Variants in ARMC3 observed in about 807,000 individuals in gnomAD.
ARMC3 encodes armadillo repeat containing 3, also known as armadillo repeat-containing protein 3.
Under a neutral mutation model 90.3 loss-of-function variants are expected in ARMC3, and 74 were observed. That is an observed-to-expected ratio of 0.82 (90% confidence interval 0.68 to 0.99). The LOEUF (loss-of-function observed/expected upper bound fraction) is 0.99, where lower values mean the gene tolerates loss of function less well. Ranked by LOEUF, ARMC3 falls within the 50% of genes least tolerant of loss-of-function variation. The pLI is 0.00. For missense variants in ARMC3, 958 were observed against 1,042.8 expected (o/e 0.92, Z 1.12); for synonymous variants, 334 against 361.8 (o/e 0.92, Z 0.87).
intron 12 of ARMC3, 123 bp downstream of exon 12, chr10:23,002,178 G>C (rs79178216): frequency 1.4e-6 from 2 of 1,384,752 alleles, no homozygotes; most frequent in African/African-American, 2.9e-5. Flanking sequence ...CTGAAGCGCT[G>C]CATGTCCCCA....
rs183013571 is a variant in ARMC3 at position 23,027,783 on chromosome 10, T to C, written c.2046-2813T>C. Among the ~76,000 whole-genome samples, 45 of 152,308 alleles carry C rather than the reference T, an allele frequency of 3.0e-4. No homozygotes were observed. In the East Asian group the frequency reaches 8.7e-3, roughly 29 times the overall value. On this transcript the variant is annotated intron_variant, in intron 16 of 18. Coordinates refer to ENST00000298032, the MANE Select transcript of ARMC3 (RefSeq NM_173081.5). ...TTCTCTGTCTGGGACTTTGATGACA[T>C]CAATCTTAGACCTTTTTAATTGTAC...
At chr10:22,955,056 A>T (rs915197616) in intron 3 of ARMC3, 5 of 152,162 alleles carry the variant, frequency 3.3e-5, no homozygotes, top group Non-Finnish European at 7.3e-5. Context: ...CCAGCTCAAA[A>T]AGAGAGAGGA....
intron 2 of ARMC3, among the ~76,000 whole-genome samples, chr10:22,932,595 C>A (rs1013726092): frequency 6.6e-6 from 1 of 152,200 alleles, no homozygotes; most frequent in African/African-American, 2.4e-5. Context: ...TATCTTCTCT[C>A]TTTAAACTTT....
intron 7 of ARMC3, among the ~76,000 whole-genome samples, chr10:22,963,213 G>A (rs1368829263): frequency 2.0e-5 from 3 of 151,746 alleles, no homozygotes; most frequent in Non-Finnish European, 4.4e-5. Flanking sequence ...GGAATGTGAT[G>A]GTATTTTTAT....
At chr10:23,014,590 T>C in intron 16 of ARMC3, 1 of 712,132 alleles carries the variant, frequency 1.4e-6, no homozygotes, top group Non-Finnish European at 1.7e-6. Context: ...GAAAATGTGG[T>C]ACATATACAC....
chr10:22,951,038 C>A (rs960136278), intron 3 of ARMC3, among the ~76,000 whole-genome samples: 3 of 151,564 alleles, frequency 2.0e-5, no homozygotes, highest in Non-Finnish European at 4.4e-5. Flanking sequence ...CCCGGCTTCA[C>A]GCCATTCTCC....
rs117809512 is a variant in ARMC3, at chr10:22,950,435, A to T, written c.166+4174A>T. Among the ~76,000 whole-genome samples, 1,080 of 152,264 alleles carry T rather than the reference A, an allele frequency of 7.1e-3. 6 individuals are homozygous for T. The highest frequency in any genetic ancestry group is 0.013 in the Non-Finnish European group (855 of 68,010). On this transcript the variant is annotated intron_variant, in intron 3 of 18. Transcript: ENST00000298032. The stretch of plus-strand genomic sequence containing the variant: ...CAAAGTAGACTGTGTTAAGTTAAAG[A>T]TGTATACTGCAACCCTAATGCAACC...
chr10:22,949,911 T>C (rs1834677417), intron 3 of ARMC3, among the ~76,000 whole-genome samples: 1 of 152,072 alleles, frequency 6.6e-6, no homozygotes, highest in Non-Finnish European at 1.5e-5. Flanking sequence ...TGACAGTAGA[T>C]AATAACAAAT....
Position 23,030,656 on chromosome 10 carries a change from A to G in ARMC3, c.2106A>G (p.Val702=). 5 of 1,613,830 alleles carry G rather than the reference A, an allele frequency of 3.1e-6. No homozygotes were observed. Among genetic ancestry groups the G allele is most frequent in the East Asian group, 2.2e-5 (1 of 44,844 alleles). ...KVKEEEEVMV[V]PKFVGEGSSD... is the part of the protein sequence containing the mutation. ...AAGAGGAGGAAGAGGTTATGGTGGT[A>G]CCAAAATTTGTTGGTGAAGGAAGCT... is the stretch of plus-strand genomic sequence containing the variant. The change falls in exon 17 of 19, where the codon GTA becomes GTG. Residue 702 remains valine, a synonymous_variant. Coordinates refer to ENST00000298032, the MANE Select transcript of ARMC3 (RefSeq NM_173081.5).
At chr10:23,009,781 G>A (rs1390503665) in intron 16 of ARMC3, among the ~76,000 whole-genome samples, 1 of 152,196 alleles carries the variant, frequency 6.6e-6, no homozygotes, top group African/African-American at 2.4e-5. Flanking sequence ...ACAAGCATGA[G>A]CCACCCTGCT....
chr10:22,981,290 G>C, intron 8 of ARMC3, 50 bp from the exon 9 acceptor site: 1 of 1,491,216 alleles, frequency 6.7e-7, no homozygotes, highest in Non-Finnish European at 9.0e-7. Flanking sequence ...GTAATACTTC[G>C]CAGTTTTTGC....
In ARMC3 at chr10:22,979,081, T is replaced by A. The variant is rs1433792925; in HGVS notation, c.917-2259T>A. On this transcript the variant is annotated intron_variant, in intron 8 of 18. Coordinates refer to ENST00000298032, the MANE Select transcript of ARMC3 (RefSeq NM_173081.5). ...TGAGGTTTATGAACTGGCATTAACA[T>A]CTCAGCAGGAGCAAAAGTGGCACAA... Among the ~76,000 whole-genome samples the A allele has an allele frequency of 2.0e-5, 3 of 152,202 alleles. No homozygotes were observed. The East Asian group carries it at 5.8e-4, about 29-fold the overall frequency.
chr10:23,036,148 T>C (rs187659819), intron 18 of ARMC3, among the ~76,000 whole-genome samples: 170 of 152,294 alleles, frequency 1.1e-3, no homozygotes, highest in African/African-American at 3.9e-3. Flanking sequence ...ACACGGAGTG[T>C]TACTTTTGGA....
chr10:22,999,059 T>C (rs1389643947), intron 11 of ARMC3, among the ~76,000 whole-genome samples: 1 of 152,218 alleles, frequency 6.6e-6, no homozygotes, highest in East Asian at 1.9e-4. Flanking sequence ...GAAATGGTCA[T>C]CTCTTAAGCT....
At chr10:22,952,450 T>C (rs1834771335) in intron 3 of ARMC3, among the ~76,000 whole-genome samples, 2 of 152,274 alleles carry the variant, frequency 1.3e-5, no homozygotes, top group South Asian at 4.1e-4. Context: ...GTGGACAATT[T>C]TATTTCAAGA....
At chr10:22,964,520 A>G (rs1050621075) in intron 7 of ARMC3, among the ~76,000 whole-genome samples, 3 of 151,192 alleles carry the variant, frequency 2.0e-5, no homozygotes, top group African/African-American at 4.9e-5. Flanking sequence ...GCTCACTGCA[A>G]TTTCTGCCTC....
chr10:22,965,410 T>C (rs1465642998), intron 7 of ARMC3, among the ~76,000 whole-genome samples: 1 of 152,218 alleles, frequency 6.6e-6, no homozygotes, highest in Non-Finnish European at 1.5e-5. Flanking sequence ...AATTCAGCCA[T>C]TGAGCTGAAC....
At chr10:22,945,290 G>A (rs934176932) in intron 2 of ARMC3, among the ~76,000 whole-genome samples, 1 of 152,122 alleles carries the variant, frequency 6.6e-6, no homozygotes, top group African/African-American at 2.4e-5. Flanking sequence ...ACCAGCTAAA[G>A]CTTTGAAATA....
chr10:22,957,050 T>C (rs1388141054), intron 4 of ARMC3, among the ~76,000 whole-genome samples: 2 of 152,096 alleles, frequency 1.3e-5, no homozygotes, highest in African/African-American at 4.8e-5. Context: ...GAGACTGAAT[T>C]CTAACATGAA....
Sources: gnomAD v4.1 joint callset for allele counts (sites outside exome capture counted in the v4.1 genomes callset) on GRCh38, gnomAD v4.1.1 for gene constraint, MANE v1.5 for transcripts, NCBI Gene and HGNC (gene_info 2026-07-23, HGNC 2026-07-21) for gene names.